Variants in MIPOL1 observed in about 807,000 individuals in gnomAD.
MIPOL1 encodes mirror-image polydactyly 1, also known as mirror-image polydactyly gene 1 protein.
MIPOL1 carries 57 observed loss-of-function variants against 60.9 expected under a neutral mutation model. The ratio of observed to expected loss-of-function variants is 0.94; its 90% CI spans 0.76 to 1.17. The LOEUF (loss-of-function observed/expected upper bound fraction) is 1.17, where lower values mean the gene tolerates loss of function less well. MIPOL1 is among the 50% of genes most tolerant of loss of function. The pLI is 0.00. For missense variants in MIPOL1, 551 were observed against 511.6 expected (o/e 1.08, Z -0.74); for synonymous variants, 179 against 168.8 (o/e 1.06, Z -0.47).
At chr14:37,536,352 A>T (rs2095506279) in intron 12 of MIPOL1, among the ~76,000 whole-genome samples, 1 of 152,230 alleles carries the variant, frequency 6.6e-6, no homozygotes. Context: ...GAGTCGTTTA[A>T]GAGAAAAATG....
intron 11 of MIPOL1, among the ~76,000 whole-genome samples, chr14:37,477,586 CAA>C (rs1200219282): frequency 6.6e-6 from 1 of 152,100 alleles, no homozygotes; most frequent in African/African-American, 2.4e-5. Context: ...TCTGAAAATT[CAA>C]AGTGTAAAAC....
At chr14:37,377,880 A>T (rs965672171) in intron 10 of MIPOL1, among the ~76,000 whole-genome samples, 1 of 151,770 alleles carries the variant, frequency 6.6e-6, no homozygotes, top group Non-Finnish European at 1.5e-5. Context: ...TTACTGAAGC[A>T]GAATGTTTGA....
intron 4 of MIPOL1, among the ~76,000 whole-genome samples, chr14:37,267,473 G>C (rs567622678): frequency 6.6e-6 from 1 of 150,966 alleles, no homozygotes; most frequent in African/African-American, 2.4e-5. Flanking sequence ...AGGCAACAGA[G>C]CAAGATTGTC....
At chr14:37,209,296 T>C (rs911924787) in intron 1 of MIPOL1, among the ~76,000 whole-genome samples, 13 of 152,204 alleles carry the variant, frequency 8.5e-5, no homozygotes, top group East Asian at 3.9e-4. Flanking sequence ...CATTTGGCAA[T>C]TGTGTCATTT....
At chr14:37,312,454 G>A (rs189936101) in intron 9 of MIPOL1, among the ~76,000 whole-genome samples, 1 of 152,168 alleles carries the variant, frequency 6.6e-6, no homozygotes, top group Non-Finnish European at 1.5e-5. Flanking sequence ...TTCTAATTAT[G>A]TCTTCTGTAT....
At chr14:37,499,209 A>G (rs1408236626) in intron 11 of MIPOL1, among the ~76,000 whole-genome samples, 1 of 152,078 alleles carries the variant, frequency 6.6e-6, no homozygotes, top group Non-Finnish European at 1.5e-5. Flanking sequence ...CAAAGATTTG[A>G]CCTTTAGCAT....
intron 12 of MIPOL1, among the ~76,000 whole-genome samples, chr14:37,507,979 A>G (rs1246320643): frequency 6.6e-6 from 1 of 152,092 alleles, no homozygotes; most frequent in Admixed American, 6.6e-5. Context: ...TTTCCTTTTC[A>G]TATTTGATCC....
chr14:37,525,886 A>G (rs1440913257), intron 12 of MIPOL1, among the ~76,000 whole-genome samples: 1 of 152,200 alleles, frequency 6.6e-6, no homozygotes, highest in East Asian at 1.9e-4. Flanking sequence ...AAGACTTTAC[A>G]TTGCTTTGTG....
chr14:37,348,288 C>T (rs988685035), intron 9 of MIPOL1, among the ~76,000 whole-genome samples: 2 of 151,948 alleles, frequency 1.3e-5, no homozygotes, highest in African/African-American at 2.4e-5. Flanking sequence ...TGAAAAAAAG[C>T]GTTCAGCCTG....
chr14:37,373,916 G>T (rs2092707336), intron 10 of MIPOL1, among the ~76,000 whole-genome samples: 1 of 152,086 alleles, frequency 6.6e-6, no homozygotes, highest in Admixed American at 6.6e-5. Context: ...GGATTGCTGG[G>T]CCAAATGGTA....
At chr14:37,305,910 G>A (rs1185180079) in intron 7 of MIPOL1, among the ~76,000 whole-genome samples, 2 of 151,772 alleles carry the variant, frequency 1.3e-5, no homozygotes, top group African/African-American at 4.8e-5. Flanking sequence ...TAGCACAGCA[G>A]CCTTACCAAA....
intron 4 of MIPOL1, among the ~76,000 whole-genome samples, chr14:37,267,911 T>G (rs571820921): frequency 7.4e-4 from 113 of 152,208 alleles, no homozygotes; most frequent in African/African-American, 2.5e-3. Flanking sequence ...GGCCTTGTTC[T>G]CTACCATTTG....
intron 11 of MIPOL1, among the ~76,000 whole-genome samples, chr14:37,471,536 T>C (rs2094689176): frequency 6.6e-6 from 1 of 152,186 alleles, no homozygotes; most frequent in African/African-American, 2.4e-5. Flanking sequence ...TACAAACTGC[T>C]CCCTAGCCAG....
intron 9 of MIPOL1, among the ~76,000 whole-genome samples, chr14:37,336,597 T>TA (rs2090141169): frequency 1.3e-5 from 2 of 152,078 alleles, no homozygotes; most frequent in South Asian, 4.1e-4. Flanking sequence ...CTTTATCTGT[T>TA]AGAGCCCTTA....
At chr14:37,399,263 TG>T (rs1365872709) in intron 10 of MIPOL1, among the ~76,000 whole-genome samples, 1 of 152,186 alleles carries the variant, frequency 6.6e-6, no homozygotes, top group East Asian at 1.9e-4. Context: ...CTAGTATTGG[TG>T]CCATTTTGGG....
At chr14:37,233,823 A>G (rs1971010242) in intron 1 of MIPOL1, among the ~76,000 whole-genome samples, 1 of 152,188 alleles carries the variant, frequency 6.6e-6, no homozygotes, top group Admixed American at 6.6e-5. Context: ...TAATAAGCAG[A>G]TGTTATCATT....
In MIPOL1 at chr14:37,270,544, A is replaced by AAC; in HGVS notation, c.493+23_493+24dup. On this transcript the variant is annotated intron_variant, in intron 6 of 12. Transcript: ENST00000684589. ...ACAGCAGGTATAGTAGAGGAGTATTAACACATGGCTTGAAGAATCACACAC... is the reference window on the plus strand; with the variant it reads ...ACAGCAGGTATAGTAGAGGAGTATTAACACACATGGCTTGAAGAATCACACAC... 7.4e-7 allele frequency: 1 copy of AAC among 1,347,374 alleles called. No individual in the cohort carries two copies. The highest frequency in any genetic ancestry group is 1.0e-6 in the Non-Finnish European group (1 of 965,202). The allele number at this position is 1,347,374 out of a possible 1,614,324, so 83.5% of individuals were successfully genotyped here.
At chr14:37,395,904 A>C (rs1177075917) in intron 10 of MIPOL1, among the ~76,000 whole-genome samples, 1 of 151,986 alleles carries the variant, frequency 6.6e-6, no homozygotes, top group Non-Finnish European at 1.5e-5. Context: ...GTGAGTCCTT[A>C]TGTGTTAGAT....
At chr14:37,440,749 AATG>A (rs1286635446) in intron 11 of MIPOL1, among the ~76,000 whole-genome samples, 9 of 152,146 alleles carry the variant, frequency 5.9e-5, no homozygotes, top group African/African-American at 2.2e-4. Flanking sequence ...AGTGCAATGT[AATG>A]ATTTCTTTTC....
Sources: gnomAD v4.1 joint callset for allele counts (sites outside exome capture counted in the v4.1 genomes callset) on GRCh38, gnomAD v4.1.1 for gene constraint, MANE v1.5 for transcripts, NCBI Gene and HGNC (gene_info 2026-07-23, HGNC 2026-07-21) for gene names.